Variants in CERT1 observed in about 807,000 individuals in gnomAD.
The protein encoded by CERT1 is ceramide transporter 1, also known as ceramide transfer protein.
Under a neutral mutation model 87.9 loss-of-function variants are expected in CERT1, and 31 were observed. The ratio of observed to expected loss-of-function variants is 0.35; its 90% CI spans 0.27 to 0.48. The LOEUF is 0.48. Among genes scored for constraint, CERT1 ranks in the 20% least tolerant of loss-of-function variants. The probability of loss-of-function intolerance (pLI) is 0.99; values close to 1 mark genes in which losing one functional copy is unlikely to be tolerated. For missense variants in CERT1, 487 were observed against 758.0 expected (o/e 0.64, Z 4.20); for synonymous variants, 289 against 250.9 (o/e 1.15, Z -1.44).
intron 2 of CERT1, among the ~76,000 whole-genome samples, chr5:75,490,661 G>A (rs939818693): frequency 6.6e-6 from 1 of 151,908 alleles, no homozygotes; most frequent in Non-Finnish European, 1.5e-5. Context: ...ACCACGCCTG[G>A]CTAATTTTTT....
rs139471072 is a variant in CERT1, at chr5:75,398,872, T to C, written c.1188+438A>G. Among the ~76,000 whole-genome samples, 215 of 152,344 alleles carry C rather than the reference T, an allele frequency of 1.4e-3. 1 individual carries two copies. The highest frequency in any genetic ancestry group is 4.3e-3 in the African/African-American group (180 of 41,590). On this transcript the variant is annotated intron_variant, in intron 11 of 16. Coordinates refer to ENST00000643780, the MANE Select transcript of CERT1 (RefSeq NM_001379029.1). ...TTAGTATTATAATGGAAATGAAACA[T>C]ATTATTAAAAAGTGATTTCCTTGTT... is the stretch of plus-strand genomic sequence containing the variant.
chr5:75,511,004 A>T, intron 1 of CERT1, 108 bp downstream of exon 1: 1 of 1,379,124 alleles, frequency 7.3e-7, no homozygotes, highest in Middle Eastern at 2.5e-4. Flanking sequence ...TCAGCCTCGC[A>T]CCCCGGCACG....
chr5:75,398,157 A>C (rs1321466195), intron 11 of CERT1, among the ~76,000 whole-genome samples: 1 of 152,178 alleles, frequency 6.6e-6, no homozygotes, highest in African/African-American at 2.4e-5. Flanking sequence ...AAGGAGAAAA[A>C]CGCTGTACAA....
At chr5:75,420,151 G>C (rs1763309152) in intron 5 of CERT1, among the ~76,000 whole-genome samples, 1 of 150,842 alleles carries the variant, frequency 6.6e-6, no homozygotes, top group African/African-American at 2.4e-5. Context: ...TAATATTTTT[G>C]TATTTTTAGT....
intron 3 of CERT1, among the ~76,000 whole-genome samples, chr5:75,441,800 A>C (rs988552052): frequency 6.6e-6 from 1 of 152,200 alleles, no homozygotes; most frequent in South Asian, 2.1e-4. Context: ...TTTTGCTTAT[A>C]TATTTGTCCA....
intron 11 of CERT1, among the ~76,000 whole-genome samples, chr5:75,391,823 G>C (rs1290791746): frequency 5.9e-5 from 9 of 152,146 alleles, no homozygotes; most frequent in Non-Finnish European, 1.2e-4. Flanking sequence ...CTTTGAGGTA[G>C]GAAACTAGTA....
At chr5:75,432,470 T>C (rs1030592354) in intron 3 of CERT1, among the ~76,000 whole-genome samples, 6 of 152,242 alleles carry the variant, frequency 3.9e-5, no homozygotes, top group African/African-American at 9.6e-5. Flanking sequence ...AACAGTGATG[T>C]TGAACACTTT....
At chr5:75,474,410 TAC>T (rs929070100) in intron 2 of CERT1, among the ~76,000 whole-genome samples, 9 of 152,090 alleles carry the variant, frequency 5.9e-5, no homozygotes, top group Admixed American at 5.2e-4. Flanking sequence ...CTGCTACAGT[TAC>T]AGTTTGGTGA....
At chr5:75,479,752 T>C (rs976647643) in intron 2 of CERT1, among the ~76,000 whole-genome samples, 12 of 152,144 alleles carry the variant, frequency 7.9e-5, no homozygotes, top group Non-Finnish European at 1.2e-4. Context: ...CAATGAACAT[T>C]CGAGTGCATG....
intron 2 of CERT1, among the ~76,000 whole-genome samples, chr5:75,465,987 T>C (rs117009766): frequency 1.0e-3 from 158 of 152,280 alleles, no homozygotes; most frequent in East Asian, 6.8e-3. Flanking sequence ...TCTTTACAGA[T>C]CATTTGAAGG....
At chr5:75,445,931 G>A (rs1480492967) in intron 3 of CERT1, among the ~76,000 whole-genome samples, 2 of 152,140 alleles carry the variant, frequency 1.3e-5, no homozygotes, top group African/African-American at 4.8e-5. Flanking sequence ...ATGATGAGCT[G>A]CTTCTGATTG....
intron 2 of CERT1, among the ~76,000 whole-genome samples, chr5:75,489,334 T>C (rs1766668266): frequency 1.3e-5 from 2 of 152,308 alleles, no homozygotes; most frequent in African/African-American, 4.8e-5. Context: ...GACATAGGCA[T>C]TGGCAAAGGC....
At chr5:75,379,873 T>C (rs913124138) in intron 16 of CERT1, among the ~76,000 whole-genome samples, 3 of 152,090 alleles carry the variant, frequency 2.0e-5, no homozygotes, top group African/African-American at 7.2e-5. Context: ...TGAGTCACTG[T>C]ACCCAGCTGG....
intron 3 of CERT1, among the ~76,000 whole-genome samples, chr5:75,446,740 A>AT (rs1400912387): frequency 1.3e-5 from 2 of 151,788 alleles, no homozygotes; most frequent in African/African-American, 2.4e-5. Flanking sequence ...TCTTCTTCGG[A>AT]TTTTTTCTAG....
intron 1 of CERT1, among the ~76,000 whole-genome samples, chr5:75,507,439 C>T (rs1479258698): frequency 6.6e-6 from 1 of 152,124 alleles, no homozygotes; most frequent in East Asian, 1.9e-4. Flanking sequence ...CCCATCATTA[C>T]AACCACTCTC....
At chr5:75,481,474 C>T (rs558907972) in intron 2 of CERT1, among the ~76,000 whole-genome samples, 2 of 152,262 alleles carry the variant, frequency 1.3e-5, no homozygotes, top group South Asian at 4.1e-4. Context: ...GAGAAACCTT[C>T]CCAGCCCACC....
chr5:75,448,912 A>C (rs1349007393), intron 3 of CERT1, among the ~76,000 whole-genome samples: 1 of 152,202 alleles, frequency 6.6e-6, no homozygotes, highest in Non-Finnish European at 1.5e-5. Flanking sequence ...TTACAGACGA[A>C]AAAAGGATAG....
chr5:75,511,865 G>A, upstream of CERT1: 1 of 1,525,950 alleles, frequency 6.6e-7, no homozygotes, highest in Non-Finnish European at 8.8e-7. Context: ...GCGTTGGTCC[G>A]TCGCTCGCGC....
chr5:75,482,574 G>A (rs1355794428), intron 2 of CERT1, among the ~76,000 whole-genome samples: 1 of 152,194 alleles, frequency 6.6e-6, no homozygotes, highest in African/African-American at 2.4e-5. Flanking sequence ...TGGGCCTTGG[G>A]CAAGACCCAG....
Sources: allele counts gnomAD v4.1 joint callset (sites outside exome capture counted in the v4.1 genomes callset), GRCh38; gene constraint gnomAD v4.1.1; transcripts MANE v1.5; gene names NCBI Gene and HGNC (gene_info 2026-07-23, HGNC 2026-07-21).